Variants in ARHGEF10L observed in about 807,000 individuals in gnomAD.
ARHGEF10L encodes rho guanine nucleotide exchange factor 10-like protein.
Under a neutral mutation model 141.2 loss-of-function variants are expected in ARHGEF10L, and 69 were observed. The ratio of observed to expected loss-of-function variants is 0.49; its 90% CI spans 0.40 to 0.60. The LOEUF is 0.60. Ranked by LOEUF, ARHGEF10L falls within the 20% of genes least tolerant of loss-of-function variation. The pLI is 0.00. For missense variants in ARHGEF10L, 1,482 were observed against 1,734.3 expected (o/e 0.85, Z 2.58); for synonymous variants, 711 against 718.5 (o/e 0.99, Z 0.17).
chr1:17,526,839 G>T, the ARHGEF10L span, among the ~76,000 whole-genome samples: 3 of 151,066 alleles, frequency 2.0e-5, no homozygotes, highest in African/African-American at 7.3e-5. Context: ...GTGAGGCAGA[G>T]TTTACAGTGA....
At chr1:17,578,700 G>C (rs1434341059) in intron 1 of ARHGEF10L, among the ~76,000 whole-genome samples, 1 of 151,992 alleles carries the variant, frequency 6.6e-6, no homozygotes, top group East Asian at 1.9e-4. Context: ...CCTATCGATG[G>C]GGGCTATATA....
At chr1:17,582,089 G>T (rs2078619181) in intron 2 of ARHGEF10L, among the ~76,000 whole-genome samples, 1 of 152,110 alleles carries the variant, frequency 6.6e-6, no homozygotes, top group Non-Finnish European at 1.5e-5. Context: ...GCTGTGCTGG[G>T]ATGGGCCTCC....
Position 17,619,187 on chromosome 1 carries a change from C to T in ARHGEF10L, c.836-152C>T. The T allele has an allele frequency of 1.6e-6, 1 of 641,232 alleles. No homozygotes were observed. Among genetic ancestry groups the T allele is most frequent in the South Asian group, 1.9e-5 (1 of 53,352 alleles). The allele number at this position is 641,232 out of a possible 1,614,324, so 39.7% of individuals were successfully genotyped here. ...GCAGGGAACTCCTGAGAAGGAGCTA[C>T]CGGGCGGCTCTAACCCCACGGGGCC... On this transcript the variant is annotated intron_variant, in intron 9 of 28. Transcript: ENST00000361221. The surrounding 1 kb of genome is among the most constrained non-coding windows in gnomAD (Gnocchi z 5.0).
At chr1:17,641,564 G>A (rs1389097915) in intron 21 of ARHGEF10L, among the ~76,000 whole-genome samples, 1 of 151,820 alleles carries the variant, frequency 6.6e-6, no homozygotes, top group Non-Finnish European at 1.5e-5. Context: ...TCGAGTTTGC[G>A]GCGAGCCAAG....
the ARHGEF10L span, among the ~76,000 whole-genome samples, chr1:17,514,099 C>G: frequency 3.0e-5 from 4 of 131,248 alleles, no homozygotes; most frequent in African/African-American, 1.2e-4. Context: ...GCTGGGATTA[C>G]AGGTGTGAGC....
chr1:17,656,717 TG>T lies in ARHGEF10L; in HGVS notation c.2860+15del. 5 of 1,606,108 alleles carry T rather than the reference TG, an allele frequency of 3.1e-6. No homozygotes were observed. The highest frequency in any genetic ancestry group is 2.0e-4 in the Middle Eastern group (1 of 5,114). On this transcript the variant is annotated intron_variant, in intron 25 of 28. Transcript: ENST00000361221. This position sits in a 1 kb window ranked among gnomAD's most constrained non-coding sequence, Gnocchi z 4.9. ...TTACCCTCGGACCAGCGGTGAGGAC[TG>T]GGGGGAATGGGGGAAGGGGGGCAGT...
Position 17,656,718 on chromosome 1 carries a change from G to A in ARHGEF10L, c.2860+10G>A. 4 of 1,605,902 alleles carry A rather than the reference G, an allele frequency of 2.5e-6. No individual in the cohort carries two copies. Among genetic ancestry groups the A allele is most frequent in the African/African-American group, 1.3e-5 (1 of 74,918 alleles). On this transcript the variant is annotated intron_variant, in intron 25 of 28. Coordinates refer to ENST00000361221, the MANE Select transcript of ARHGEF10L (RefSeq NM_018125.4). This position sits in a 1 kb window ranked among gnomAD's most constrained non-coding sequence, Gnocchi z 4.9. ...TACCCTCGGACCAGCGGTGAGGACT[G>A]GGGGGAATGGGGGAAGGGGGGCAGT...
intron 1 of ARHGEF10L, among the ~76,000 whole-genome samples, chr1:17,545,239 T>G (rs2076877118): frequency 6.6e-6 from 1 of 152,100 alleles, no homozygotes; most frequent in Non-Finnish European, 1.5e-5. Flanking sequence ...ACACTGCAAA[T>G]CAGAATCTTT....
Position 17,654,644 on chromosome 1 carries a change from C to G in ARHGEF10L, c.2403C>G (p.Ala801=), listed in dbSNP as rs760504352. ...CGTCTCTGTCTCTGCAGCTTGGGGC[C>G]CTGGTCCACAGTCCTGTCAACTGTC... ...SSRALSLQLG[A]LVHSPVNCPL... Residue 801 remains alanine (A), a synonymous_variant, in exon 23 of 29, where the codon GCC becomes GCG. Coordinates refer to ENST00000361221, the MANE Select transcript of ARHGEF10L (RefSeq NM_018125.4). This position sits in a 1 kb window ranked among gnomAD's most constrained non-coding sequence, Gnocchi z 4.3. 4.3e-6 allele frequency: 7 copies of G among 1,614,188 alleles called. No individual in the cohort carries two copies. The highest frequency in any genetic ancestry group is 5.1e-6 in the Non-Finnish European group (6 of 1,180,022).
chr1:17,538,693 TAA>T (rs35238374), upstream of ARHGEF10L, among the ~76,000 whole-genome samples: 3,129 of 129,536 alleles, frequency 0.024, 64 homozygotes, highest in African/African-American at 0.064. Flanking sequence ...AGGGAGTAGT[TAA>T]AAAAAAAAAA....
At chr1:17,694,879 G>T (rs1172348769) in intron 27 of ARHGEF10L, 4 of 614,912 alleles carry the variant, frequency 6.5e-6, no homozygotes, top group South Asian at 6.1e-5. Flanking sequence ...CAGACCAGGC[G>T]CTGTGCCTGT....
intron 1 of ARHGEF10L, among the ~76,000 whole-genome samples, chr1:17,568,527 A>G (rs528631969): frequency 3.3e-5 from 5 of 152,342 alleles, no homozygotes; most frequent in African/African-American, 9.6e-5. Flanking sequence ...GCTTCAGAGC[A>G]GAAATGACCT....
intron 1 of ARHGEF10L, among the ~76,000 whole-genome samples, chr1:17,548,074 C>T (rs1346713414): frequency 1.3e-5 from 2 of 152,056 alleles, no homozygotes; most frequent in Admixed American, 6.6e-5. Context: ...GGAGATTTGA[C>T]AAGAAAGGGC....
At chr1:17,646,289 CT>C (rs1299116457) in intron 21 of ARHGEF10L, among the ~76,000 whole-genome samples, 1 of 152,218 alleles carries the variant, frequency 6.6e-6, no homozygotes, top group Admixed American at 6.5e-5. Context: ...CAGGGTGGTC[CT>C]TCCTCACTCA....
At chr1:17,648,525 C>G in intron 21 of ARHGEF10L, 29 bp from the exon 22 acceptor site, 1 of 1,612,448 alleles carries the variant, frequency 6.2e-7, no homozygotes. Flanking sequence ...CTCTGACCAG[C>G]TCTACCCACC....
intron 26 of ARHGEF10L, among the ~76,000 whole-genome samples, chr1:17,666,413 G>A (rs1571386179): frequency 6.6e-6 from 1 of 152,184 alleles, no homozygotes; most frequent in East Asian, 1.9e-4. Context: ...AGGACCAGTG[G>A]GTGAGCTTTT....
At chr1:17,643,839 T>A (rs1238128817) in intron 21 of ARHGEF10L, among the ~76,000 whole-genome samples, 1 of 152,214 alleles carries the variant, frequency 6.6e-6, no homozygotes, top group Admixed American at 6.5e-5. Context: ...ATGGCCTTTC[T>A]GAGGTCACAC....
chr1:17,627,215 C>A lies in ARHGEF10L; in HGVS notation c.1411-115C>A. 2 of 1,293,694 alleles carry A rather than the reference C, an allele frequency of 1.5e-6. No individual in the cohort carries two copies. The highest frequency in any genetic ancestry group is 2.2e-6 in the Non-Finnish European group (2 of 928,868). 80.1% of individuals were successfully genotyped at this position (1,293,694 alleles called of 1,614,324 possible). A position where few individuals can be genotyped will look rare whatever the true frequency, so the allele number is the denominator to read the frequency against. ...TGGTGCCATCTGTCCTGGCCTCAGG[C>A]CGGGCCCTTTGCAGACCCAGTGTGT... On this transcript the variant is annotated intron_variant, in intron 14 of 28. Transcript: ENST00000361221. This position sits in a 1 kb window ranked among gnomAD's most constrained non-coding sequence, Gnocchi z 4.0.
intron 4 of ARHGEF10L, among the ~76,000 whole-genome samples, chr1:17,597,634 C>G (rs1438458335): frequency 2.6e-5 from 4 of 152,198 alleles, no homozygotes. Flanking sequence ...GTCCTGAGAG[C>G]AAGGCTTTGC....
Sources: allele counts gnomAD v4.1 joint callset (sites outside exome capture counted in the v4.1 genomes callset), GRCh38; gene constraint gnomAD v4.1.1; non-coding constraint Gnocchi (gnomAD v3.1); transcripts MANE v1.5; gene names NCBI Gene and HGNC (gene_info 2026-07-23, HGNC 2026-07-21).